The following SKIC8 variants were observed in gnomAD, a reference collection of about 807,000 sequenced individuals.
SKIC8 encodes the protein superkiller complex protein 8.
At chr15:78,288,757 T>C in the SKIC8 span, 1 of 347,230 alleles carries the variant, frequency 2.9e-6, no homozygotes, top group Non-Finnish European at 5.6e-6. Flanking sequence ...GGATAAACTA[T>C]AGCAATGTGA....
the SKIC8 span, among the ~76,000 whole-genome samples, chr15:78,297,904 C>A: frequency 3.9e-5 from 6 of 152,290 alleles, no homozygotes; most frequent in East Asian, 1.2e-3. Flanking sequence ...CTATGAAGAT[C>A]TCAAATTGGT....
At chr15:78,292,964 A>G in the SKIC8 span, 2 of 948,274 alleles carry the variant, frequency 2.1e-6, no homozygotes, top group Non-Finnish European at 3.1e-6. Flanking sequence ...TAGGACTTTA[A>G]GATTTTTTTT....
the SKIC8 span, chr15:78,285,473 A>C: frequency 1.4e-6 from 1 of 711,962 alleles, no homozygotes. Flanking sequence ...GCCAGGTATC[A>C]GCATCATTGG....
the SKIC8 span, chr15:78,283,288 T>C: frequency 1.7e-6 from 1 of 604,374 alleles, no homozygotes; most frequent in East Asian, 2.9e-5. Context: ...CAATAAAACA[T>C]GAAAAGATTC....
chr15:78,297,160 G>A, the SKIC8 span, among the ~76,000 whole-genome samples: 49 of 152,236 alleles, frequency 3.2e-4, no homozygotes, highest in African/African-American at 1.2e-3. Context: ...CTATGCTTGG[G>A]GGCTATCTCA....
the SKIC8 span, chr15:78,288,156 C>T: frequency 3.5e-6 from 3 of 856,162 alleles, no homozygotes; most frequent in Non-Finnish European, 5.3e-6. Context: ...GGGGGAGGAC[C>T]GCCTGGGGAG....
At chr15:78,298,624 G>A in the SKIC8 span, among the ~76,000 whole-genome samples, 1 of 152,140 alleles carries the variant, frequency 6.6e-6, no homozygotes, top group Non-Finnish European at 1.5e-5. Context: ...GTATGTATGT[G>A]TAATCTGTAT....
chr15:78,289,839 G>A, the SKIC8 span: 5 of 1,536,054 alleles, frequency 3.3e-6, no homozygotes, highest in South Asian at 1.2e-5. Context: ...CCACACCAGT[G>A]AGACAGCAGC....
chr15:78,294,091 G>A, the SKIC8 span, among the ~76,000 whole-genome samples: 2 of 152,216 alleles, frequency 1.3e-5, no homozygotes, highest in South Asian at 2.1e-4. Flanking sequence ...CAGCGTTGTG[G>A]CTTCCATTTC....
At chr15:78,294,915 G>A in the SKIC8 span, 3 of 1,613,804 alleles carry the variant, frequency 1.9e-6, no homozygotes, top group Non-Finnish European at 2.5e-6. Context: ...TTTTTTCACA[G>A]ATGAATTGCT....
chr15:78,288,107 G>A, the SKIC8 span, among the ~76,000 whole-genome samples: 1 of 152,142 alleles, frequency 6.6e-6, no homozygotes, highest in Non-Finnish European at 1.5e-5. Flanking sequence ...CCTCCTCCAA[G>A]CAGCCCTTGA....
chr15:78,293,323 GA>G, the SKIC8 span: 3,334 of 1,502,776 alleles, frequency 2.2e-3, 65 homozygotes, highest in African/African-American at 0.04. Flanking sequence ...ACGACTTAAT[GA>G]AGCCGAGATA....
the SKIC8 span, chr15:78,295,840 C>T: frequency 2.4e-6 from 2 of 847,040 alleles, no homozygotes; most frequent in Non-Finnish European, 3.5e-6. Context: ...GTTGTTCTGA[C>T]ACCCTTCTAT....
At chr15:78,283,236 T>G in the SKIC8 span, 4 of 501,386 alleles carry the variant, frequency 8.0e-6, no homozygotes, top group Non-Finnish European at 1.4e-5. Flanking sequence ...ACACCAGTGT[T>G]TGCATTAAGA....
the SKIC8 span, chr15:78,292,808 A>G: frequency 6.2e-7 from 1 of 1,610,682 alleles, no homozygotes; most frequent in Non-Finnish European, 8.5e-7. Context: ...GGGACAGAGA[A>G]ATGGATTTCT....
At chr15:78,287,693 TAG>T in the SKIC8 span, among the ~76,000 whole-genome samples, 1 of 152,042 alleles carries the variant, frequency 6.6e-6, no homozygotes, top group Non-Finnish European at 1.5e-5. Flanking sequence ...CAGTGGGGAA[TAG>T]GAGTCAGGAC....
chr15:78,283,543 G>C, the SKIC8 span: 1 of 1,557,728 alleles, frequency 6.4e-7, no homozygotes, highest in Non-Finnish European at 8.8e-7. Context: ...AAAAAAGATA[G>C]TTCTACAAAT....
the SKIC8 span, chr15:78,289,919 C>T: frequency 1.2e-6 from 2 of 1,604,782 alleles, no homozygotes; most frequent in Non-Finnish European, 1.7e-6. Context: ...CTGAAAGAAT[C>T]AGAAGGAGAA....
At chr15:78,298,585 A>C in the SKIC8 span, among the ~76,000 whole-genome samples, 1 of 152,218 alleles carries the variant, frequency 6.6e-6, no homozygotes, top group East Asian at 1.9e-4. Flanking sequence ...TATTGTGCCT[A>C]ATTTACGAAT....
Sources: gnomAD v4.1 joint callset for allele counts (sites outside exome capture counted in the v4.1 genomes callset) on GRCh38, gnomAD v4.1.1 for gene constraint, MANE v1.5 for transcripts, NCBI Gene and HGNC (gene_info 2026-07-23, HGNC 2026-07-21) for gene names.